Variants in TENM3 observed in about 807,000 individuals in gnomAD.
The protein encoded by TENM3 is teneurin transmembrane protein 3, also known as teneurin-3.
A neutral mutation model predicts 255.1 loss-of-function variants in TENM3; 63 were observed. That is an observed-to-expected ratio of 0.25 (90% CI 0.20 to 0.30). The LOEUF is 0.30. Among genes scored for constraint, TENM3 ranks in the 10% least tolerant of loss-of-function variants. The pLI is 1.00. For missense variants in TENM3, 2,929 were observed against 3,461.1 expected (o/e 0.85, Z 3.86); for synonymous variants, 1,306 against 1,322.3 (o/e 0.99, Z 0.27).
At chr4:182,690,128 G>T (rs540176317) in intron 12 of TENM3, among the ~76,000 whole-genome samples, 1 of 151,936 alleles carries the variant, frequency 6.6e-6, no homozygotes, top group African/African-American at 2.4e-5. Flanking sequence ...GGGCCAGCCC[G>T]CCAAAATCCT....
chr4:182,278,104 C>T (rs1273464046), intron 1 of TENM3, among the ~76,000 whole-genome samples: 2 of 152,276 alleles, frequency 1.3e-5, no homozygotes, highest in South Asian at 2.1e-4. Context: ...CGGTGGCTCA[C>T]GCCTGTAATC....
chr4:182,771,690 C>T (rs1764239440), intron 22 of TENM3, among the ~76,000 whole-genome samples: 1 of 152,206 alleles, frequency 6.6e-6, no homozygotes, highest in Non-Finnish European at 1.5e-5. Context: ...CTCTGCGCTG[C>T]TTGTTCTTAA....
the TENM3 span, among the ~76,000 whole-genome samples, chr4:181,961,690 AT>A: frequency 2.6e-5 from 4 of 152,322 alleles, no homozygotes; most frequent in South Asian, 6.2e-4. Flanking sequence ...AGATAAAAAA[AT>A]ATAGTTTTAA....
chr4:181,549,812 T>C, the TENM3 span, among the ~76,000 whole-genome samples: 2 of 152,208 alleles, frequency 1.3e-5, no homozygotes, highest in Admixed American at 1.3e-4. Flanking sequence ...AATCTTATCT[T>C]GGTTTCCTCA....
intron 1 of TENM3, among the ~76,000 whole-genome samples, chr4:182,292,337 G>A (rs1221021646): frequency 6.6e-6 from 1 of 152,054 alleles, no homozygotes; most frequent in Non-Finnish European, 1.5e-5. Flanking sequence ...TATTTTCTAT[G>A]TAAAATTCAC....
chr4:181,788,656 A>G, the TENM3 span, among the ~76,000 whole-genome samples: 130 of 152,128 alleles, frequency 8.5e-4, no homozygotes, highest in Non-Finnish European at 1.1e-3. Context: ...GGAGTGCAGT[A>G]GTATAATCAG....
chr4:182,006,026 A>T, the TENM3 span, among the ~76,000 whole-genome samples: 1 of 152,064 alleles, frequency 6.6e-6, no homozygotes. Flanking sequence ...AGACAACTTG[A>T]CTTCCTCTTT....
chr4:181,872,825 C>A, the TENM3 span, among the ~76,000 whole-genome samples: 1 of 152,166 alleles, frequency 6.6e-6, no homozygotes, highest in East Asian at 1.9e-4. Flanking sequence ...TTGTCCTCAG[C>A]TCCTCTAACA....
At chr4:182,756,032 C>T (rs1406243813) in intron 22 of TENM3, among the ~76,000 whole-genome samples, 2 of 152,176 alleles carry the variant, frequency 1.3e-5, no homozygotes, top group East Asian at 1.9e-4. Flanking sequence ...CTTAGCAAAC[C>T]TTCTGAGAAG....
At chr4:182,523,769 G>A (rs1354228517) in intron 3 of TENM3, among the ~76,000 whole-genome samples, 1 of 151,994 alleles carries the variant, frequency 6.6e-6, no homozygotes. Flanking sequence ...CAGCATACCT[G>A]GATTGGAAGG....
At chr4:182,674,265 A>G (rs1036243995) in intron 7 of TENM3, among the ~76,000 whole-genome samples, 26 of 152,280 alleles carry the variant, frequency 1.7e-4, no homozygotes, top group African/African-American at 6.3e-4. Context: ...TAACCTAGGA[A>G]CATAAATTAT....
Position 182,324,207 on chromosome 4 carries a change from G to A in TENM3, c.187G>A (p.Val63Met). Reference sequence around the variant, plus strand: ...CTCGCGGCTGCTTTACGGCAACAGAGTGAAGGATTTGGTTCACAGAGAAGC... The same window carrying A: ...CTCGCGGCTGCTTTACGGCAACAGAATGAAGGATTTGGTTCACAGAGAAGC... ...DSSRLLYGNR[V>M]KDLVHREADE... Residue 63 changes from valine to methionine, a missense_variant, in exon 2 of 28, where the codon GTG becomes ATG. Physicochemically the swap from Val to Met is conservative, Grantham distance 21. This residue lies in a region of TENM3 where 283 missense variants were observed against 256.9 expected (regional missense o/e 1.10). Coordinates refer to ENST00000511685, the MANE Select transcript of TENM3 (RefSeq NM_001080477.4). 2 of 1,614,014 alleles carry A rather than the reference G, an allele frequency of 1.2e-6. No individual in the cohort carries two copies. Among genetic ancestry groups the A allele is most frequent in the Non-Finnish European group, 1.7e-6 (2 of 1,179,886 alleles).
chr4:182,712,059 A>C (rs1758787571), intron 12 of TENM3, among the ~76,000 whole-genome samples: 1 of 152,194 alleles, frequency 6.6e-6, no homozygotes, highest in South Asian at 2.1e-4. Flanking sequence ...TTCATATGGA[A>C]GCTTCTTTGG....
the TENM3 span, among the ~76,000 whole-genome samples, chr4:181,729,372 G>A: frequency 1.3e-5 from 2 of 152,162 alleles, no homozygotes; most frequent in Non-Finnish European, 2.9e-5. Flanking sequence ...CAAATGCCAT[G>A]ATGGCTGCTC....
chr4:182,638,257 GT>G (rs1752009225), intron 5 of TENM3, among the ~76,000 whole-genome samples: 1 of 152,142 alleles, frequency 6.6e-6, no homozygotes, highest in African/African-American at 2.4e-5. Flanking sequence ...TCAAAAAAAT[GT>G]TTTTAAAAAC....
intron 3 of TENM3, among the ~76,000 whole-genome samples, chr4:182,571,900 A>C (rs774607639): frequency 6.6e-6 from 1 of 151,968 alleles, no homozygotes; most frequent in Non-Finnish European, 1.5e-5. Flanking sequence ...AAAACTGTTT[A>C]TTGTTGTTGT....
chr4:182,337,316 A>G (rs867887022), intron 2 of TENM3, among the ~76,000 whole-genome samples: 2 of 152,234 alleles, frequency 1.3e-5, no homozygotes, highest in African/African-American at 4.8e-5. Context: ...ACTTGTCTCT[A>G]GAATATATAA....
rs11348241 is a variant in TENM3, at chr4:182,719,252, C to CTTT, written c.2368+5044_2368+5046dup. ...AGTAAAATAGAGTTCTTTTTTTTTTCTTTTTTTTTTTTTTTTTTTTTTTTT... is the reference window on the plus strand; with the variant it reads ...AGTAAAATAGAGTTCTTTTTTTTTTCTTTTTTTTTTTTTTTTTTTTTTTTTTTT... On this transcript the variant is annotated intron_variant, in intron 13 of 27. Transcript: ENST00000511685. 2.6e-3 allele frequency among the ~76,000 whole-genome samples: 211 copies of CTTT among 80,882 alleles called. 21 individuals are homozygous for CTTT. Among genetic ancestry groups the CTTT allele is most frequent in the African/African-American group, 2.6e-3 (49 of 18,948 alleles). The allele number at this position is 80,882 out of a possible 152,430, so 53.1% of individuals were successfully genotyped here.
intron 1 of TENM3, among the ~76,000 whole-genome samples, chr4:182,263,378 G>A (rs142801399): frequency 6.6e-6 from 1 of 152,096 alleles, no homozygotes; most frequent in East Asian, 1.9e-4. Flanking sequence ...GCTTGACCTT[G>A]GGTTAGAGGC....
Sources: gnomAD v4.1 joint callset for allele counts (sites outside exome capture counted in the v4.1 genomes callset) on GRCh38, gnomAD v4.1.1 for gene constraint, gnomAD v4.1.1 regional missense constraint, MANE v1.5 for transcripts, NCBI Gene and HGNC (gene_info 2026-07-23, HGNC 2026-07-21) for gene names.